SIPA1L1: variants seen among roughly 807,000 people sequenced by gnomAD.
The protein encoded by SIPA1L1 is signal-induced proliferation-associated 1-like protein 1.
SIPA1L1 carries 26 observed loss-of-function variants against 162.7 expected under a neutral mutation model. The ratio of observed to expected loss-of-function variants is 0.16; its 90% CI spans 0.12 to 0.22. SIPA1L1 has a LOEUF of 0.22. Among genes scored for constraint, SIPA1L1 ranks in the 10% least tolerant of loss-of-function variants. The probability of loss-of-function intolerance (pLI) is 1.00; values close to 1 mark genes in which losing one functional copy is unlikely to be tolerated. For missense variants in SIPA1L1, 1,874 were observed against 2,241.0 expected (o/e 0.84, Z 3.31); for synonymous variants, 829 against 837.4 (o/e 0.99, Z 0.17).
intron 2 of SIPA1L1, among the ~76,000 whole-genome samples, chr14:71,443,247 A>G (rs2045057047): frequency 6.6e-6 from 1 of 152,072 alleles, no homozygotes; most frequent in South Asian, 2.1e-4. Context: ...TTTGTAGTCC[A>G]GTATCTAGTG....
At chr14:71,614,292 G>A (rs2038573669) in intron 5 of SIPA1L1, among the ~76,000 whole-genome samples, 1 of 151,898 alleles carries the variant, frequency 6.6e-6, no homozygotes, top group Admixed American at 6.6e-5. Flanking sequence ...CTGTACCAGA[G>A]GGTTAAATTT....
Position 71,735,368 on chromosome 14 carries a change from G to A in SIPA1L1, c.5100G>A (p.Leu1700=). The change falls in exon 22 of 24, where the codon CTG becomes CTA. Residue 1700 remains leucine (L), a synonymous_variant. Transcript: ENST00000381232. ...SNSDQLEDQA[L]AQMKPYSSSK... Reference sequence around the variant, plus strand: ...GTGATCAGCTGGAGGACCAGGCTCTGGCCCAGATGAAGCCTTACAGCAGGT... The same window carrying A: ...GTGATCAGCTGGAGGACCAGGCTCTAGCCCAGATGAAGCCTTACAGCAGGT... 2 of 1,613,950 alleles carry A rather than the reference G, an allele frequency of 1.2e-6. No homozygotes were observed. The highest frequency in any genetic ancestry group is 1.7e-6 in the Non-Finnish European group (2 of 1,179,812).
intron 3 of SIPA1L1, among the ~76,000 whole-genome samples, chr14:71,518,494 T>A (rs994572276): frequency 1.3e-5 from 2 of 152,194 alleles, no homozygotes; most frequent in Non-Finnish European, 2.9e-5. Context: ...GCAGATCCCC[T>A]CATTACTGTT....
In SIPA1L1 at chr14:71,723,866, G is replaced by A. The variant is rs1364795884; in HGVS notation, c.4428G>A (p.Val1476=). The change falls in exon 18 of 24, where the codon GTG becomes GTA. Residue 1476 remains valine, a synonymous_variant. Transcript: ENST00000381232. ...WKKPEGTINS[V]GFMDTRKRHQ... is the part of the protein sequence containing the mutation. ...AACCCGAAGGAACCATAAACTCCGT[G>A]GGATTTATGGACACGAGAAAGTAAG... 6.2e-7 allele frequency: 1 copy of A among 1,614,190 alleles called. No homozygotes were observed. Among genetic ancestry groups the A allele is most frequent in the Non-Finnish European group, 8.5e-7 (1 of 1,180,030 alleles).
At chr14:71,433,138 A>G (rs564544479) in intron 2 of SIPA1L1, among the ~76,000 whole-genome samples, 50 of 152,328 alleles carry the variant, frequency 3.3e-4, no homozygotes, top group African/African-American at 1.2e-3. Flanking sequence ...TGTTAGAGCT[A>G]AGGCTTAGAA....
chr14:71,547,730 A>G (rs1474758744), intron 4 of SIPA1L1, among the ~76,000 whole-genome samples: 2 of 152,150 alleles, frequency 1.3e-5, no homozygotes, highest in Non-Finnish European at 2.9e-5. Context: ...CTAACTTGCT[A>G]CTGTACCCAG....
chr14:71,447,335 A>G (rs1447007268), intron 2 of SIPA1L1, among the ~76,000 whole-genome samples: 1 of 152,094 alleles, frequency 6.6e-6, no homozygotes, highest in Non-Finnish European at 1.5e-5. Flanking sequence ...GTTTAGATCT[A>G]CTCAGCTGGA....
intron 4 of SIPA1L1, among the ~76,000 whole-genome samples, chr14:71,571,558 A>G (rs2032025612): frequency 6.6e-6 from 1 of 152,214 alleles, no homozygotes; most frequent in South Asian, 2.1e-4. Context: ...AAAAGCTAGA[A>G]GTTAATGAAA....
intron 2 of SIPA1L1, among the ~76,000 whole-genome samples, chr14:71,355,797 G>C (rs931913555): frequency 6.6e-6 from 1 of 152,208 alleles, no homozygotes; most frequent in Admixed American, 6.5e-5. Context: ...TTGTATGGTG[G>C]AATGTTTTGT....
chr14:71,433,363 C>A (rs756649448), intron 2 of SIPA1L1, among the ~76,000 whole-genome samples: 3 of 152,204 alleles, frequency 2.0e-5, no homozygotes, highest in South Asian at 2.1e-4. Flanking sequence ...CTTTTCCGGA[C>A]TGGAGTGCAG....
chr14:71,330,863 T>C (rs1404821039), intron 2 of SIPA1L1: 2 of 572,154 alleles, frequency 3.5e-6, no homozygotes, highest in African/African-American at 3.8e-5. Flanking sequence ...TTTTTTCCAC[T>C]CCAGGTTGCT....
chr14:71,559,662 C>A (rs970341330), intron 4 of SIPA1L1, among the ~76,000 whole-genome samples: 11 of 152,120 alleles, frequency 7.2e-5, no homozygotes, highest in African/African-American at 2.7e-4. Context: ...TGACCTGGTT[C>A]CTGATTTATC....
At chr14:71,678,482 G>A (rs548940170) in intron 12 of SIPA1L1, among the ~76,000 whole-genome samples, 197 of 152,262 alleles carry the variant, frequency 1.3e-3, no homozygotes, top group African/African-American at 4.6e-3. Context: ...TGCATCCCAG[G>A]GATGAAGCCC....
intron 2 of SIPA1L1, among the ~76,000 whole-genome samples, chr14:71,427,887 A>ATTTT (rs1456516253): frequency 6.6e-6 from 1 of 151,304 alleles, no homozygotes; most frequent in African/African-American, 2.4e-5. Context: ...GCCAACAAGT[A>ATTTT]TTTTTCAGGG....
intron 2 of SIPA1L1, among the ~76,000 whole-genome samples, chr14:71,408,222 G>A (rs1455465168): frequency 6.6e-6 from 1 of 152,162 alleles, no homozygotes; most frequent in African/African-American, 2.4e-5. Flanking sequence ...AACATCCTCA[G>A]ATAGTAGAGT....
chr14:71,695,468 G>A (rs561904546), intron 13 of SIPA1L1, among the ~76,000 whole-genome samples: 2 of 152,156 alleles, frequency 1.3e-5, no homozygotes, highest in East Asian at 1.9e-4. Context: ...ACTAGCCTGC[G>A]ATATCTTAGC....
intron 21 of SIPA1L1, among the ~76,000 whole-genome samples, chr14:71,734,930 C>G (rs568688421): frequency 5.3e-5 from 8 of 152,304 alleles, no homozygotes; most frequent in Non-Finnish European, 8.8e-5. Context: ...AATGCTAGCT[C>G]TCGAACGCAT....
intron 2 of SIPA1L1, among the ~76,000 whole-genome samples, chr14:71,397,008 G>T (rs2141451931): frequency 6.6e-6 from 1 of 152,260 alleles, no homozygotes; most frequent in African/African-American, 2.4e-5. Flanking sequence ...ATTTCAAAAT[G>T]CCCATTTGGA....
chr14:71,354,243 C>G (rs941148802), intron 2 of SIPA1L1, among the ~76,000 whole-genome samples: 1 of 150,746 alleles, frequency 6.6e-6, no homozygotes, highest in African/African-American at 2.4e-5. Flanking sequence ...TAAAGTAGGC[C>G]GTGTGTCATT....
Sources: allele counts gnomAD v4.1 joint callset (sites outside exome capture counted in the v4.1 genomes callset), GRCh38; gene constraint gnomAD v4.1.1; transcripts MANE v1.5; gene names NCBI Gene and HGNC (gene_info 2026-07-23, HGNC 2026-07-21).